PATE2: variants seen among roughly 807,000 people sequenced by gnomAD.
The protein encoded by PATE2 is prostate and testis expressed 2.
A neutral mutation model predicts 10.5 loss-of-function variants in PATE2; 7 were observed. The observed-to-expected ratio is 0.66, with a 90% CI of 0.38 to 1.25. The LOEUF (loss-of-function observed/expected upper bound fraction) is 1.25. PATE2 is among the 50% of genes most tolerant of loss of function. The pLI, the probability that PATE2 is intolerant of heterozygous loss-of-function variation, is 0.02. For synonymous variants in PATE2, 44 were observed against 46.9 expected (o/e 0.94, Z 0.25); for missense variants, 133 against 135.4 (o/e 0.98, Z 0.09).
chr11:125,777,801 G>A, intron 3 of PATE2, 73 bp downstream of exon 3: 4 of 1,556,110 alleles, frequency 2.6e-6, no homozygotes, highest in Non-Finnish European at 3.5e-6. Flanking sequence ...TACTCACGCT[G>A]AGGGCAAAAG....
intron 3 of PATE2, 107 bp downstream of exon 3, chr11:125,777,767 C>G: frequency 7.2e-7 from 1 of 1,395,454 alleles, no homozygotes; most frequent in Non-Finnish European, 9.8e-7. Flanking sequence ...CAAGACCACC[C>G]CATACTCACC....
At position 125,777,645 on chromosome 11, in the gene PATE2, G is replaced by A. The variant is rs1943498583; in HGVS notation, c.206-127C>T. On this transcript the variant is annotated intron_variant, in intron 3 of 3. Transcript: ENST00000358524. ...AGGCCCAAATGAGTTCCAAAGCTGA[G>A]TCTGTTAATTGCTGACCCAGAGAGT... 3 of 1,283,938 alleles carry A rather than the reference G, an allele frequency of 2.3e-6. No individual in the cohort carries two copies. In the African/African-American group the frequency reaches 4.5e-5, roughly 19 times the overall value. 79.5% of individuals were successfully genotyped at this position (1,283,938 alleles called of 1,614,324 possible).
At chr11:125,777,735 A>G in intron 3 of PATE2, 139 bp downstream of exon 3, 1 of 1,213,426 alleles carries the variant, frequency 8.2e-7, no homozygotes, top group Non-Finnish European at 1.1e-6. Flanking sequence ...TCTTAGGGAA[A>G]AGTCTGTCTT....
At position 125,777,820 on chromosome 11, in the gene PATE2, T is replaced by C. The variant is rs1238041207; in HGVS notation, c.205+54A>G. On this transcript the variant is annotated intron_variant, in intron 3 of 3. Transcript: ENST00000358524. The stretch of plus-strand genomic sequence containing the variant: ...CACGCTGAGGGCAAAAGAACACTAC[T>C]GTTTCTCAGGGATGGTGGTGGTGAT... 2.5e-5 allele frequency: 40 copies of C among 1,594,752 alleles called. No homozygotes were observed. The South Asian group carries it at 4.3e-4, about 17-fold the overall frequency.
rs771579357 is a variant in PATE2 at position 125,777,988 on chromosome 11, A to C, written c.91T>G (p.Cys31Gly). The C allele has an allele frequency of 1.2e-6, 2 of 1,613,172 alleles. No homozygotes were observed. The highest frequency in any genetic ancestry group is 3.3e-5 in the Admixed American group (2 of 59,924). The change falls in exon 3 of 4, where the codon TGT (cysteine) becomes GGT (glycine). Residue 31 changes from cysteine (C) to glycine (G), a missense_variant. Coordinates refer to ENST00000358524, the MANE Select transcript of PATE2 (RefSeq NM_212555.3). ...AGATGATATTTTTTACATTCATAAC[A>C]CATTATTTCAGTCGCTGCCAGATAC... is the stretch of plus-strand genomic sequence containing the variant. ...HDPIKATEIM[C>G]YECKKYHLGL... is the part of the protein sequence containing the mutation.
At chr11:125,777,730 G>T in intron 3 of PATE2, 144 bp downstream of exon 3, 1 of 1,189,194 alleles carries the variant, frequency 8.4e-7, no homozygotes, top group Non-Finnish European at 1.2e-6. Flanking sequence ...TATGGTCTTA[G>T]GGAAAAGTCT....
Position 125,778,784 on chromosome 11 carries a change from C to T in PATE2, c.-11G>A. The T allele has an allele frequency of 6.2e-7, 1 of 1,613,370 alleles. No homozygotes were observed. Among genetic ancestry groups the T allele is most frequent in the Non-Finnish European group, 8.5e-7 (1 of 1,179,578 alleles). The stretch of plus-strand genomic sequence containing the variant: ...AAAGAGAACAAGCATCCTGGAGCTT[C>T]TGTCAGGTGCAGCTTCCTGTGGAAG... On this transcript the variant is annotated 5_prime_UTR_variant, in exon 1 of 4. Transcript: ENST00000358524.
chr11:125,778,568 A>G lies in PATE2; in HGVS notation c.60T>C (p.Leu20=). ...VFLLCPYWGE[L]HDPIKATEIM... is the part of the protein sequence containing the mutation. ...TGATTGTACCTTTTATAGGGTCATGAAGTTCACCTGTGAAAAGAAGAAAAA... is the reference window on the plus strand; with the variant it reads ...TGATTGTACCTTTTATAGGGTCATGGAGTTCACCTGTGAAAAGAAGAAAAA... Residue 20 remains leucine, a synonymous_variant, in exon 2 of 4, where the codon CTT becomes CTC. Transcript: ENST00000358524. 1 of 1,613,602 alleles carries G rather than the reference A, an allele frequency of 6.2e-7. No homozygotes were observed. The highest frequency in any genetic ancestry group is 8.5e-7 in the Non-Finnish European group (1 of 1,179,648).
At position 125,778,764 on chromosome 11, in the gene PATE2, G is replaced by C; in HGVS notation, c.10C>G (p.Leu4Val). The change falls in exon 1 of 4, where the codon CTC becomes GTC. Residue 4 changes from leucine to valine, a missense_variant. By Grantham distance (32) the Leu-to-Val change is conservative (BLOSUM62 1). Transcript: ENST00000358524. ...AGAAAGACTGTGCCCAGGAGAAAGA[G>C]AACAAGCATCCTGGAGCTTCTGTCA... MLV[L>V]FLLGTVFLLC... 1 of 1,613,544 alleles carries C rather than the reference G, an allele frequency of 6.2e-7. No individual in the cohort carries two copies. Among genetic ancestry groups the C allele is most frequent in the Non-Finnish European group, 8.5e-7 (1 of 1,179,658 alleles).
chr11:125,778,492 C>T (rs1242890496), intron 2 of PATE2, 60 bp downstream of exon 2: 1 of 1,555,222 alleles, frequency 6.4e-7, no homozygotes, highest in Middle Eastern at 1.7e-4. Context: ...GAAAGGTTTG[C>T]TCCTAAACAT....
At position 125,777,869 on chromosome 11, in the gene PATE2, A is replaced by T. The variant is rs546826840; in HGVS notation, c.205+5T>A. On this transcript the variant is annotated splice_donor_5th_base_variant and intron_variant, in intron 3 of 3. Transcript: ENST00000358524. ...ATTTTCCAGTCACTCTATACTCCAC[A>T]TTACCTTTCCTTGTAAGGATGTAAA... is the stretch of plus-strand genomic sequence containing the variant. 4 of 1,612,910 alleles carry T rather than the reference A, an allele frequency of 2.5e-6. No homozygotes were observed. The African/African-American group carries it at 5.3e-5, about 22-fold the overall frequency.
At chr11:125,777,574 C>T (rs1040449905) in intron 3 of PATE2, 56 bp from the exon 4 acceptor site, 12 of 1,599,906 alleles carry the variant, frequency 7.5e-6, no homozygotes, top group South Asian at 3.3e-5. Flanking sequence ...CCTTTTACTG[C>T]GTTCCTAGGA....
At chr11:125,777,792 A>T in intron 3 of PATE2, 82 bp downstream of exon 3, 1 of 1,512,504 alleles carries the variant, frequency 6.6e-7, no homozygotes, top group South Asian at 1.2e-5. Flanking sequence ...CCATTCACCT[A>T]CTCACGCTGA....
In PATE2 at chr11:125,777,286, C is replaced by T; in HGVS notation, c.*96G>A. The T allele has an allele frequency of 7.0e-6, 10 of 1,429,598 alleles. No individual in the cohort carries two copies. Among genetic ancestry groups the T allele is most frequent in the South Asian group, 6.5e-5 (5 of 76,842 alleles). 88.6% of individuals were successfully genotyped at this position (1,429,598 alleles called of 1,614,324 possible). A position where few individuals can be genotyped will look rare whatever the true frequency, so the allele number is the denominator to read the frequency against. On this transcript the variant is annotated 3_prime_UTR_variant, in exon 4 of 4. Transcript: ENST00000358524. ...TATGAGCTGGCTTTCTCACTCTCTA[C>T]CAATGCATAGAAGAGGAGAGCAAAA...
chr11:125,778,073 T>C, intron 2 of PATE2, 71 bp from the exon 3 acceptor site: 2 of 1,526,186 alleles, frequency 1.3e-6, no homozygotes, highest in Non-Finnish European at 1.8e-6. Context: ...GGGGCTTCAC[T>C]ACAGGACCTT....
chr11:125,778,484 A>C, intron 2 of PATE2, 68 bp downstream of exon 2: 2 of 1,525,278 alleles, frequency 1.3e-6, no homozygotes, highest in South Asian at 1.1e-5. Flanking sequence ...AGATGAAGGA[A>C]AGGTTTGCTC....
rs1342063352 is a variant in PATE2 at position 125,776,298 on chromosome 11, G to A, written c.*1084C>T. On this transcript the variant is annotated 3_prime_UTR_variant, in exon 4 of 4. Transcript: ENST00000358524. ...GCTGCACCCATCAACCCGTCATCTA[G>A]GGTGCAGTCAGCCTTATAAGGACAG... 1 of 152,104 alleles carries A rather than the reference G, an allele frequency of 6.6e-6. No homozygotes were observed. Among genetic ancestry groups the A allele is most frequent in the African/African-American group, 2.4e-5 (1 of 41,406 alleles). The allele number at this position is 152,104 out of a possible 1,614,324, so 9.4% of individuals were successfully genotyped here.
Position 125,776,823 on chromosome 11 carries a change from G to C in PATE2, c.*559C>G, listed in dbSNP as rs1394610848. ...TTCTTTGATGCTCATCCCTATGTCT[G>C]TTCAGTTTTTTTTTTTCTGCCCTGA... On this transcript the variant is annotated 3_prime_UTR_variant, in exon 4 of 4. Transcript: ENST00000358524. 1.8e-5 allele frequency: 1 copy of C among 54,150 alleles called. No individual in the cohort carries two copies. Among genetic ancestry groups the C allele is most frequent in the Admixed American group, 2.7e-4 (1 of 3,714 alleles). The allele number at this position is 54,150 out of a possible 1,614,324, so 3.4% of individuals were successfully genotyped here. A position where few individuals can be genotyped will look rare whatever the true frequency, so the allele number is the denominator to read the frequency against.
In PATE2 at chr11:125,777,022, AGG is replaced by A; in HGVS notation, c.*358_*359del. On this transcript the variant is annotated 3_prime_UTR_variant, in exon 4 of 4. Transcript: ENST00000358524. ...GGAGTGTGTGTGTAGATGAGGATAG[AGG>A]ATAGTCACAGAATTCTCAGTACAAA... 1.1e-5 allele frequency: 2 copies of A among 178,236 alleles called. No homozygotes were observed. The highest frequency in any genetic ancestry group is 1.5e-4 in the South Asian group (1 of 6,734). The allele number at this position is 178,236 out of a possible 1,614,324, so 11.0% of individuals were successfully genotyped here.
Sources: gnomAD v4.1 joint callset for allele counts on GRCh38, gnomAD v4.1.1 for gene constraint, MANE v1.5 for transcripts, NCBI Gene and HGNC (gene_info 2026-07-23, HGNC 2026-07-21) for gene names.